Variants in MECOM observed in about 807,000 individuals in gnomAD.
MECOM encodes the protein MDS1 and EVI1 complex locus, also known as histone-lysine N-methyltransferase MECOM.
In MECOM, 13 loss-of-function variants were observed where a neutral mutation model predicts 116.3. The observed-to-expected ratio is 0.11, with a 90% CI of 0.07 to 0.18. The LOEUF (loss-of-function observed/expected upper bound fraction) is 0.18, where lower values mean the gene tolerates loss of function less well. Among genes scored for constraint, MECOM ranks in the 10% least tolerant of loss-of-function variants. The pLI is 1.00. For missense variants in MECOM, 1,299 were observed against 1,509.0 expected, an observed-to-expected ratio of 0.86 and a Z score of 2.31; for synonymous variants, 528 against 535.2, an observed-to-expected ratio of 0.99 and a Z score of 0.19.
At chr3:169,546,345 T>G (rs1421010) in intron 1 of MECOM, among the ~76,000 whole-genome samples, 32,914 of 152,192 alleles carry the variant, frequency 0.22, 4,617 homozygotes, top group East Asian at 0.7. Context: ...AACATGACTG[T>G]AAAATATACA....
intron 2 of MECOM, among the ~76,000 whole-genome samples, chr3:169,228,450 G>A (rs1378282646): frequency 6.6e-6 from 1 of 152,138 alleles, no homozygotes; most frequent in Non-Finnish European, 1.5e-5. Context: ...ATAAACTACA[G>A]TTTATGCAAA....
chr3:169,312,357 T>G (rs1302912620), intron 2 of MECOM, among the ~76,000 whole-genome samples: 1 of 148,138 alleles, frequency 6.8e-6, no homozygotes. Flanking sequence ...GAGGCAAGAA[T>G]GACTGCAATT....
intron 2 of MECOM, among the ~76,000 whole-genome samples, chr3:169,280,682 T>C (rs1711747488): frequency 6.6e-6 from 1 of 152,186 alleles, no homozygotes. Flanking sequence ...CCTAATATGC[T>C]GTGCTCAAAA....
chr3:169,416,259 A>T (rs1056605050), intron 1 of MECOM, among the ~76,000 whole-genome samples: 4 of 152,238 alleles, frequency 2.6e-5, no homozygotes, highest in South Asian at 2.1e-4. Flanking sequence ...ACTGAACAAC[A>T]TGCTCCTGAA....
chr3:169,366,883 T>A (rs1474895824), intron 2 of MECOM, among the ~76,000 whole-genome samples: 1 of 151,994 alleles, frequency 6.6e-6, no homozygotes, highest in Non-Finnish European at 1.5e-5. Flanking sequence ...ATGAACTGAC[T>A]GGCCAATAGC....
intron 2 of MECOM, among the ~76,000 whole-genome samples, chr3:169,252,471 T>C (rs1394629965): frequency 6.6e-6 from 1 of 151,184 alleles, no homozygotes; most frequent in East Asian, 1.9e-4. Context: ...TATAGTAAAA[T>C]AGTTAACTAT....
chr3:169,188,032 G>A (rs570416575), intron 2 of MECOM, among the ~76,000 whole-genome samples: 1 of 151,798 alleles, frequency 6.6e-6, no homozygotes, highest in South Asian at 2.1e-4. Flanking sequence ...CTTATTTATT[G>A]TACCAATTAA....
chr3:169,407,373 T>A (rs1736871798), intron 1 of MECOM, among the ~76,000 whole-genome samples: 1 of 152,220 alleles, frequency 6.6e-6, no homozygotes, highest in South Asian at 2.1e-4. Context: ...TATATCAACA[T>A]TAAAGGCTAA....
chr3:169,088,696 A>C (rs747626242), intron 16 of MECOM, among the ~76,000 whole-genome samples: 2 of 152,214 alleles, frequency 1.3e-5, no homozygotes, highest in African/African-American at 2.4e-5. Context: ...AATATTTGTA[A>C]ACAAACATGA....
intron 3 of MECOM, among the ~76,000 whole-genome samples, chr3:169,134,367 G>T (rs779611573): frequency 1.1e-3 from 170 of 152,324 alleles, no homozygotes; most frequent in Middle Eastern, 3.4e-3. Flanking sequence ...ACGGAAGAGT[G>T]TTGATGTTGG....
chr3:169,568,365 C>G (rs1763493443), intron 1 of MECOM, among the ~76,000 whole-genome samples: 1 of 151,952 alleles, frequency 6.6e-6, no homozygotes, highest in Admixed American at 6.5e-5. Context: ...ACCTCCGAGA[C>G]AGAACTGTTC....
At chr3:169,186,974 A>G (rs1354047858) in intron 2 of MECOM, among the ~76,000 whole-genome samples, 3 of 152,202 alleles carry the variant, frequency 2.0e-5, no homozygotes, top group African/African-American at 7.2e-5. Context: ...GTGATGATCA[A>G]TATTCAGTAG....
At chr3:169,396,598 A>G (rs1735055057) in intron 1 of MECOM, among the ~76,000 whole-genome samples, 1 of 152,204 alleles carries the variant, frequency 6.6e-6, no homozygotes. Flanking sequence ...CTACTAGAAA[A>G]TTTAAAATTA....
chr3:169,324,210 C>T (rs1005100882), intron 2 of MECOM, among the ~76,000 whole-genome samples: 3 of 152,184 alleles, frequency 2.0e-5, no homozygotes, highest in Non-Finnish European at 4.4e-5. Flanking sequence ...TTGTTTCATC[C>T]TCACGATAAC....
At chr3:169,395,085 G>A (rs1375382218) in intron 1 of MECOM, among the ~76,000 whole-genome samples, 1 of 152,090 alleles carries the variant, frequency 6.6e-6, no homozygotes. Flanking sequence ...CTGCAACAAA[G>A]TTGCATAAAT....
chr3:169,115,371 A>C lies in MECOM; in HGVS notation c.2489+12T>G, dbSNP rs769872062. 2 of 1,610,244 alleles carry C rather than the reference A, an allele frequency of 1.2e-6. No individual in the cohort carries two copies. The highest frequency in any genetic ancestry group is 2.7e-5 in the African/African-American group (2 of 74,806). Reference sequence around the variant, plus strand: ...ATCTGCTCATATTTCGTCATCTTCCATACACGCTTACCTGTAAATAGGGTC... The same window carrying C: ...ATCTGCTCATATTTCGTCATCTTCCCTACACGCTTACCTGTAAATAGGGTC... On this transcript the variant is annotated intron_variant, in intron 8 of 16. Transcript: ENST00000651503.
chr3:169,293,565 C>T (rs1715022056), intron 2 of MECOM, among the ~76,000 whole-genome samples: 1 of 152,204 alleles, frequency 6.6e-6, no homozygotes, highest in African/African-American at 2.4e-5. Context: ...AGGGGCTACA[C>T]CTGACCCCTG....
intron 1 of MECOM, among the ~76,000 whole-genome samples, chr3:169,461,383 T>C (rs934066593): frequency 2.0e-5 from 3 of 152,192 alleles, no homozygotes; most frequent in African/African-American, 7.2e-5. Context: ...CTAGTGTTAT[T>C]GCCCAGAGGA....
At chr3:169,201,179 C>T (rs188933993) in intron 2 of MECOM, among the ~76,000 whole-genome samples, 253 of 152,114 alleles carry the variant, frequency 1.7e-3, no homozygotes, top group Non-Finnish European at 2.8e-3. Context: ...TTGCATTATG[C>T]CTAACACATC....
Sources: allele counts gnomAD v4.1 joint callset (sites outside exome capture counted in the v4.1 genomes callset), GRCh38; gene constraint gnomAD v4.1.1; transcripts MANE v1.5; gene names NCBI Gene and HGNC (gene_info 2026-07-23, HGNC 2026-07-21).